DNAJC24: variants seen among roughly 807,000 people sequenced by gnomAD.
DNAJC24 encodes the protein DnaJ heat shock protein family (Hsp40) member C24.
DNAJC24 carries 17 observed loss-of-function variants against 18.0 expected under a neutral mutation model. The observed-to-expected ratio is 0.94, with a 90% CI of 0.65 to 1.42. DNAJC24 has a LOEUF of 1.42. Among genes scored for constraint, DNAJC24 ranks in the 40% most tolerant of loss-of-function variants. The pLI is 0.00. For synonymous variants in DNAJC24, 55 were observed against 57.7 expected (o/e 0.95, Z 0.21); for missense variants, 158 against 175.6 (o/e 0.90, Z 0.57).
chr11:31,425,578 CCTTT>C (rs765732717), intron 3 of DNAJC24, among the ~76,000 whole-genome samples: 50 of 152,122 alleles, frequency 3.3e-4, no homozygotes, highest in South Asian at 1.0e-3. Flanking sequence ...TATGCTCCTT[CCTTT>C]ATGTGTGGGT....
At chr11:31,373,024 T>C (rs1477956889) in intron 2 of DNAJC24, among the ~76,000 whole-genome samples, 2 of 134,812 alleles carry the variant, frequency 1.5e-5, no homozygotes, top group African/African-American at 2.5e-5. Context: ...CTTTTTAATG[T>C]GATAATTGGC....
intron 2 of DNAJC24, among the ~76,000 whole-genome samples, chr11:31,385,602 T>C (rs1952420811): frequency 6.6e-6 from 1 of 152,226 alleles, no homozygotes; most frequent in Admixed American, 6.5e-5. Context: ...ATTAAAAGAC[T>C]TGTTTCTTTT....
chr11:31,423,656 G>T (rs1271510465), intron 3 of DNAJC24, among the ~76,000 whole-genome samples: 1 of 152,132 alleles, frequency 6.6e-6, no homozygotes, highest in East Asian at 1.9e-4. Context: ...TGTGTAACGG[G>T]TAATCATACA....
chr11:31,389,255 A>C (rs1419569684), intron 2 of DNAJC24, among the ~76,000 whole-genome samples: 1 of 152,188 alleles, frequency 6.6e-6, no homozygotes, highest in Non-Finnish European at 1.5e-5. Context: ...TCTGTTGCCT[A>C]CAAGAAACCC....
At chr11:31,426,158 T>G in intron 3 of DNAJC24, 129 bp from the exon 4 acceptor site, 2 of 589,048 alleles carry the variant, frequency 3.4e-6, no homozygotes, top group Non-Finnish European at 5.9e-6. Flanking sequence ...AAAATACTAG[T>G]CTAAGTTTTT....
chr11:31,406,663 C>T (rs1463589062), intron 2 of DNAJC24, among the ~76,000 whole-genome samples: 1 of 152,052 alleles, frequency 6.6e-6, no homozygotes, highest in Admixed American at 6.6e-5. Flanking sequence ...ATGACATGGT[C>T]AGAGTTATGT....
At chr11:31,394,081 G>C (rs944608291) in intron 2 of DNAJC24, among the ~76,000 whole-genome samples, 2 of 152,154 alleles carry the variant, frequency 1.3e-5, no homozygotes, top group Non-Finnish European at 2.9e-5. Flanking sequence ...ACTCATGCCT[G>C]AGTGACACTT....
chr11:31,374,325 CTT>C (rs371431553), intron 2 of DNAJC24: 47 of 125,358 alleles, frequency 3.7e-4, no homozygotes, highest in South Asian at 1.2e-3. Context: ...TTGTTAGATC[CTT>C]TTTTTTTTTG....
intron 2 of DNAJC24, among the ~76,000 whole-genome samples, chr11:31,413,312 T>G: frequency 6.6e-6 from 1 of 151,786 alleles, no homozygotes; most frequent in Non-Finnish European, 1.5e-5. Context: ...AAGTAATTAT[T>G]GGATAAATAC....
intron 2 of DNAJC24, among the ~76,000 whole-genome samples, chr11:31,388,846 C>G (rs1952458365): frequency 6.7e-6 from 1 of 149,452 alleles, no homozygotes; most frequent in Admixed American, 6.6e-5. Context: ...AAAATAGAAA[C>G]AAACATTTAA....
At chr11:31,409,749 A>G (rs1952689160) in intron 2 of DNAJC24, among the ~76,000 whole-genome samples, 1 of 152,124 alleles carries the variant, frequency 6.6e-6, no homozygotes, top group Admixed American at 6.6e-5. Context: ...TGTGATTTTC[A>G]TTTTTATTGA....
intron 4 of DNAJC24, chr11:31,429,781 A>G (rs1952902437): frequency 6.1e-6 from 1 of 162,738 alleles, no homozygotes; most frequent in Non-Finnish European, 1.4e-5. Flanking sequence ...GTGTGACACT[A>G]GAAGAGAAAG....
chr11:31,397,477 ATTTTT>A (rs3071550), intron 2 of DNAJC24, among the ~76,000 whole-genome samples: 4 of 144,280 alleles, frequency 2.8e-5, no homozygotes, highest in African/African-American at 7.6e-5. Flanking sequence ...TACCTTTGTG[ATTTTT>A]TTTTTTTTTT....
chr11:31,395,542 C>G (rs182116152), intron 2 of DNAJC24, among the ~76,000 whole-genome samples: 20 of 152,092 alleles, frequency 1.3e-4, no homozygotes, highest in African/African-American at 4.6e-4. Context: ...ATTTTTTTAC[C>G]TTTAAATGAT....
intron 2 of DNAJC24, among the ~76,000 whole-genome samples, chr11:31,377,992 A>T (rs1174995478): frequency 6.6e-6 from 1 of 152,102 alleles, no homozygotes; most frequent in African/African-American, 2.4e-5. Context: ...TTATATATAG[A>T]TTAGCTTTAA....
At chr11:31,393,122 G>A (rs375344851) in intron 2 of DNAJC24, among the ~76,000 whole-genome samples, 8 of 152,220 alleles carry the variant, frequency 5.3e-5, no homozygotes, top group African/African-American at 1.2e-4. Context: ...AGAGCCCTTC[G>A]GCTTCTATGC....
At chr11:31,414,130 C>T (rs1952733935) in intron 2 of DNAJC24, among the ~76,000 whole-genome samples, 1 of 152,044 alleles carries the variant, frequency 6.6e-6, no homozygotes, top group Admixed American at 6.5e-5. Flanking sequence ...ATATTGAAAA[C>T]AAAAATTTTT....
intron 2 of DNAJC24, among the ~76,000 whole-genome samples, chr11:31,409,474 G>A (rs895931477): frequency 1.3e-5 from 2 of 151,786 alleles, no homozygotes; most frequent in East Asian, 1.9e-4. Context: ...ACCTAAATTG[G>A]GATTTCATGT....
chr11:31,429,157 A>G (rs1246861147), intron 4 of DNAJC24, among the ~76,000 whole-genome samples: 2 of 151,998 alleles, frequency 1.3e-5, no homozygotes, highest in East Asian at 3.9e-4. Flanking sequence ...TTCTGTATGG[A>G]GAGCAAAGGC....
Sources: allele counts gnomAD v4.1 joint callset (sites outside exome capture counted in the v4.1 genomes callset), GRCh38; gene constraint gnomAD v4.1.1; transcripts MANE v1.5; gene names NCBI Gene and HGNC (gene_info 2026-07-23, HGNC 2026-07-21).